The following PCDHGA5 variants were observed in gnomAD, a reference collection of about 807,000 sequenced individuals.
The protein encoded by PCDHGA5 is protocadherin gamma subfamily A, 5.
PCDHGA5 carries 36 observed loss-of-function variants against 56.7 expected under a neutral mutation model. The observed-to-expected ratio is 0.64, with a 90% CI of 0.49 to 0.84. The LOEUF (loss-of-function observed/expected upper bound fraction) is 0.84. Among genes scored for constraint, PCDHGA5 ranks in the 40% least tolerant of loss-of-function variants. PCDHGA5 has a pLI of 0.00. For missense variants in PCDHGA5, 1,305 were observed against 1,201.5 expected (o/e 1.09, Z -1.27); for synonymous variants, 563 against 520.2 (o/e 1.08, Z -1.12).
rs370007558 is a variant in PCDHGA5 at position 141,364,604 on chromosome 5, C to A, written c.274C>A (p.Arg92=). 3 of 1,614,162 alleles carry A rather than the reference C, an allele frequency of 1.9e-6. No homozygotes were observed. The highest frequency in any genetic ancestry group is 2.5e-6 in the Non-Finnish European group (3 of 1,179,996). ...GSLVTAGRID[R]EELCAQSPLC... The stretch of plus-strand genomic sequence containing the variant: ...CTTGGTCACCGCGGGCAGGATAGAC[C>A]GGGAGGAGCTCTGCGCTCAGAGCCC... Residue 92 remains arginine, a synonymous_variant, in exon 1 of 4, where the codon CGG becomes AGG. Transcript: ENST00000518069.
intron 1 of PCDHGA5, chr5:141,408,016 A>G (rs991619128): frequency 9.9e-7 from 1 of 1,014,516 alleles, no homozygotes; most frequent in Admixed American, 3.2e-5. Flanking sequence ...TGCGCAGCCA[A>G]CAACAGAAAG....
Position 141,489,779 on chromosome 5 carries a change from T to C in PCDHGA5, c.2422-5028T>C, listed in dbSNP as rs1269302289. 1.9e-6 allele frequency: 3 copies of C among 1,614,168 alleles called. No homozygotes were observed. Among genetic ancestry groups the C allele is most frequent in the Non-Finnish European group, 2.5e-6 (3 of 1,179,996 alleles). On this transcript the variant is annotated intron_variant, in intron 1 of 3. Coordinates refer to ENST00000518069, the MANE Select transcript of PCDHGA5 (RefSeq NM_018918.3). The surrounding 1 kb of genome is among the most constrained non-coding windows in gnomAD (Gnocchi z 4.5). ...CTAAGCCCCAACAGCCACTTCTCTC[T>C]GAATGTGAAGACCCTAAAAGATGGG...
At position 141,486,190 on chromosome 5, in the gene PCDHGA5, T is replaced by A; in HGVS notation, c.2422-8617T>A. Reference sequence around the variant, plus strand: ...AGCAACATTGCAGCCTTCGAGTGGATCTGCTGGACGTAAATGACAATGCCC... The same window carrying A: ...AGCAACATTGCAGCCTTCGAGTGGAACTGCTGGACGTAAATGACAATGCCC... On this transcript the variant is annotated intron_variant, in intron 1 of 3. Transcript: ENST00000518069. The surrounding 1 kb of genome is among the most constrained non-coding windows in gnomAD (Gnocchi z 5.0). 1 of 1,614,122 alleles carries A rather than the reference T, an allele frequency of 6.2e-7. No individual in the cohort carries two copies. Among genetic ancestry groups the A allele is most frequent in the South Asian group, 1.1e-5 (1 of 91,070 alleles).
chr5:141,402,430 C>T (rs1026560659), intron 1 of PCDHGA5, among the ~76,000 whole-genome samples: 2 of 151,802 alleles, frequency 1.3e-5, no homozygotes, highest in African/African-American at 4.8e-5. Flanking sequence ...ATTGAAGCAT[C>T]ATAAAAAGGA....
chr5:141,389,058 A>G, intron 1 of PCDHGA5: 2 of 1,614,020 alleles, frequency 1.2e-6, no homozygotes, highest in Non-Finnish European at 1.7e-6. Flanking sequence ...TCCATTTAAA[A>G]TATTAACTTC....
intron 1 of PCDHGA5, among the ~76,000 whole-genome samples, chr5:141,407,092 T>C (rs917246877): frequency 1.3e-5 from 2 of 152,360 alleles, no homozygotes; most frequent in Admixed American, 6.5e-5. Context: ...AGAATTGTTT[T>C]ATTTGTTTGT....
chr5:141,405,225 C>T (rs2154536264), intron 1 of PCDHGA5: 4 of 1,614,082 alleles, frequency 2.5e-6, no homozygotes, highest in Non-Finnish European at 1.7e-6. Context: ...CAGGAGTTCT[C>T]CCTCACCGCT....
rs764586891 is a variant in PCDHGA5, at chr5:141,477,616, A to G, written c.2422-17191A>G. On this transcript the variant is annotated intron_variant, in intron 1 of 3. Coordinates refer to ENST00000518069, the MANE Select transcript of PCDHGA5 (RefSeq NM_018918.3). This position sits in a 1 kb window ranked among gnomAD's most constrained non-coding sequence, Gnocchi z 4.9. ...TTTCTTTCTTTCTCTTGGAGCAAGGAGCTGAAACCGGGCTAGTGGGTCGCT... is the reference window on the plus strand; with the variant it reads ...TTTCTTTCTTTCTCTTGGAGCAAGGGGCTGAAACCGGGCTAGTGGGTCGCT... The G allele has an allele frequency of 1.2e-6, 2 of 1,614,068 alleles. No individual in the cohort carries two copies. Among genetic ancestry groups the G allele is most frequent in the African/African-American group, 2.7e-5 (2 of 74,924 alleles).
intron 1 of PCDHGA5, chr5:141,378,251 G>A (rs780385993): frequency 6.6e-6 from 1 of 152,234 alleles, no homozygotes; most frequent in Non-Finnish European, 1.5e-5. Flanking sequence ...ATGGCCGGGT[G>A]CGGTGGCTCA....
Position 141,364,599 on chromosome 5 carries a change from T to G in PCDHGA5, c.269T>G (p.Ile90Arg). ...RSGSLVTAGRIDREELCAQSP... is the reference protein window; with the variant it reads ...RSGSLVTAGRRDREELCAQSP... The stretch of plus-strand genomic sequence containing the variant: ...GGCAGCTTGGTCACCGCGGGCAGGA[T>G]AGACCGGGAGGAGCTCTGCGCTCAG... The change falls in exon 1 of 4, where the codon ATA becomes AGA. Residue 90 changes from isoleucine (I) to arginine (R), a missense_variant. Coordinates refer to ENST00000518069, the MANE Select transcript of PCDHGA5 (RefSeq NM_018918.3). 1 of 1,614,178 alleles carries G rather than the reference T, an allele frequency of 6.2e-7. No individual in the cohort carries two copies. The highest frequency in any genetic ancestry group is 8.5e-7 in the Non-Finnish European group (1 of 1,180,000).
At chr5:141,384,278 A>T in intron 1 of PCDHGA5, 1 of 1,613,842 alleles carries the variant, frequency 6.2e-7, no homozygotes, top group Non-Finnish European at 8.5e-7. Context: ...TACTCAGTCT[A>T]CATCGCTGAG....
At chr5:141,428,186 CCGCTCTCTGCGCCGCTA>C (rs1167279209) in intron 1 of PCDHGA5, 1 of 1,460,956 alleles carries the variant, frequency 6.8e-7, no homozygotes, top group Admixed American at 1.8e-5. Context: ...AGGACAGCCG[CCGCTCTCTGCGCCGCTA>C]CGCTTCACCT....
intron 1 of PCDHGA5, chr5:141,441,502 T>G (rs2098250414): frequency 5.8e-6 from 1 of 173,754 alleles, no homozygotes; most frequent in African/African-American, 2.4e-5. Context: ...CTACCAGGCC[T>G]CCTACGTCGT....
At chr5:141,428,020 C>T (rs1443722620) in intron 1 of PCDHGA5, 1 of 1,605,408 alleles carries the variant, frequency 6.2e-7, no homozygotes, top group Admixed American at 1.7e-5. Context: ...GTGCCACGCG[C>T]CGCAGAGTCC....
At chr5:141,417,117 C>A (rs1199474234) in intron 1 of PCDHGA5, 3 of 151,748 alleles carry the variant, frequency 2.0e-5, no homozygotes, top group Non-Finnish European at 4.4e-5. Context: ...TACAGGACAC[C>A]CTGGATGATG....
chr5:141,509,046 C>T (rs1442220429), intron 3 of PCDHGA5, among the ~76,000 whole-genome samples: 1 of 152,160 alleles, frequency 6.6e-6, no homozygotes, highest in Non-Finnish European at 1.5e-5. Flanking sequence ...CTCTCCCCCG[C>T]CCCCAGAAAG....
At position 141,486,720 on chromosome 5, in the gene PCDHGA5, C is replaced by G; in HGVS notation, c.2422-8087C>G. ...ATCTCTCTGAACCCCCAGACAGGAG[C>G]TGTTCATGCTACTCGATCCTTTGAC... On this transcript the variant is annotated intron_variant, in intron 1 of 3. Coordinates refer to ENST00000518069, the MANE Select transcript of PCDHGA5 (RefSeq NM_018918.3). This position sits in a 1 kb window ranked among gnomAD's most constrained non-coding sequence, Gnocchi z 5.0. The G allele has an allele frequency of 6.2e-7, 1 of 1,614,216 alleles. No homozygotes were observed. Among genetic ancestry groups the G allele is most frequent in the Non-Finnish European group, 8.5e-7 (1 of 1,180,038 alleles).
intron 1 of PCDHGA5, among the ~76,000 whole-genome samples, chr5:141,439,224 T>C (rs989512996): frequency 2.2e-4 from 33 of 152,030 alleles, no homozygotes; most frequent in Middle Eastern, 3.4e-3. Context: ...TGAAAATTCT[T>C]AGAAGCTTCC....
At position 141,366,621 on chromosome 5, in the gene PCDHGA5, G is replaced by A. The variant is rs773330182; in HGVS notation, c.2291G>A (p.Arg764Lys). 5.6e-6 allele frequency: 9 copies of A among 1,614,110 alleles called. No individual in the cohort carries two copies. The African/African-American group carries it at 8.0e-5, about 14-fold the overall frequency. Residue 764 changes from arginine (R) to lysine (K), a missense_variant, in exon 1 of 4, where the codon AGG becomes AAG. Transcript: ENST00000518069. ...GAGGTCTCCCTCACCGCGGACTCGA[G>A]GAAGAGTCACCTGATCTTTCCCCAG... ...SHEVSLTADS[R>K]KSHLIFPQPN...
Sources: allele counts gnomAD v4.1 joint callset (sites outside exome capture counted in the v4.1 genomes callset), GRCh38; gene constraint gnomAD v4.1.1; non-coding constraint Gnocchi (gnomAD v3.1); transcripts MANE v1.5; gene names NCBI Gene and HGNC (gene_info 2026-07-23, HGNC 2026-07-21).